RPS6KA2: variants seen among roughly 807,000 people sequenced by gnomAD.
The protein encoded by RPS6KA2 is ribosomal protein S6 kinase alpha-2.
RPS6KA2 carries 42 observed loss-of-function variants against 91.8 expected under a neutral mutation model. The observed-to-expected ratio is 0.46, with a 90% confidence interval of 0.36 to 0.59. The LOEUF (loss-of-function observed/expected upper bound fraction) is 0.59. Among genes scored for constraint, RPS6KA2 ranks in the 20% least tolerant of loss-of-function variants. The pLI, the probability that RPS6KA2 is intolerant of heterozygous loss-of-function variation, is 0.00. For missense variants in RPS6KA2, 798 were observed against 978.5 expected (o/e 0.82, Z 2.46); for synonymous variants, 414 against 393.6 (o/e 1.05, Z -0.61).
At chr6:166,487,931 A>G (rs1175220191) in intron 10 of RPS6KA2, among the ~76,000 whole-genome samples, 3 of 152,200 alleles carry the variant, frequency 2.0e-5, no homozygotes, top group African/African-American at 7.2e-5. Context: ...GTTCCCTGCA[A>G]TGGAAGCTGA....
chr6:166,587,859 C>G (rs1004087589), intron 1 of RPS6KA2, among the ~76,000 whole-genome samples: 1 of 152,126 alleles, frequency 6.6e-6, no homozygotes, highest in Non-Finnish European at 1.5e-5. Context: ...CGGGACTGTG[C>G]GCTCTCTGCC....
chr6:166,488,211 A>C (rs1268554596), intron 10 of RPS6KA2, among the ~76,000 whole-genome samples: 4 of 150,780 alleles, frequency 2.7e-5, no homozygotes, highest in Admixed American at 2.0e-4. Context: ...AACCGGAAAC[A>C]CCCTGCTCTT....
chr6:166,842,875 T>G (rs186049301), intron 2 of RPS6KA2, among the ~76,000 whole-genome samples: 5 of 152,226 alleles, frequency 3.3e-5, no homozygotes, highest in Non-Finnish European at 7.4e-5. Context: ...CACAGCAACA[T>G]ACCAGGAAAG....
At chr6:166,818,940 T>C (rs796821808) in intron 2 of RPS6KA2, among the ~76,000 whole-genome samples, 29 of 152,164 alleles carry the variant, frequency 1.9e-4, no homozygotes, top group African/African-American at 6.3e-4. Context: ...GCTCCAAGGA[T>C]GCTCCCTGGC....
At chr6:166,746,071 G>A (rs977973855) in intron 2 of RPS6KA2, among the ~76,000 whole-genome samples, 51 of 152,214 alleles carry the variant, frequency 3.4e-4, no homozygotes, top group African/African-American at 7.7e-4. Flanking sequence ...TTTCCTGCCC[G>A]GGTCACCTTC....
chr6:166,461,368 A>G (rs900037930), intron 11 of RPS6KA2, among the ~76,000 whole-genome samples: 2 of 152,038 alleles, frequency 1.3e-5, no homozygotes, highest in Non-Finnish European at 2.9e-5. Flanking sequence ...AGCCCAGGCC[A>G]TCGGGTGCCA....
intron 5 of RPS6KA2, among the ~76,000 whole-genome samples, chr6:166,507,908 A>C (rs1190327648): frequency 8.5e-6 from 1 of 117,714 alleles, no homozygotes; most frequent in African/African-American, 3.4e-5. Context: ...ACTCAAACAC[A>C]TACACACCCC....
chr6:166,546,064 C>T (rs1440969991), intron 1 of RPS6KA2, among the ~76,000 whole-genome samples: 2 of 152,130 alleles, frequency 1.3e-5, no homozygotes, highest in African/African-American at 2.4e-5. Flanking sequence ...GTGTCTGACA[C>T]GGTGTTTTAG....
intron 2 of RPS6KA2, among the ~76,000 whole-genome samples, chr6:166,751,230 G>A (rs144117349): frequency 5.3e-5 from 8 of 152,340 alleles, no homozygotes; most frequent in African/African-American, 7.2e-5. Flanking sequence ...CTTCCAAGCC[G>A]CCTGCTTGTT....
intron 1 of RPS6KA2, among the ~76,000 whole-genome samples, chr6:166,539,712 CCA>C (rs552591150): frequency 1.6e-4 from 24 of 152,308 alleles, no homozygotes; most frequent in South Asian, 1.0e-3. Flanking sequence ...CTTCCTGTCC[CCA>C]GAGTCACATG....
chr6:166,428,672 G>C lies in RPS6KA2; in HGVS notation c.1581+1781C>G, dbSNP rs1256992547. 1.0e-4 allele frequency among the ~76,000 whole-genome samples: 15 copies of C among 150,502 alleles called. 1 individual carries two copies. Among genetic ancestry groups the C allele is most frequent in the Non-Finnish European group, 1.9e-4 (13 of 67,400 alleles). ...CATGAACAGACACTTCTCAAAAGAA[G>C]ACATTTATGCAGCCAAAAAACACAT... On this transcript the variant is annotated intron_variant, in intron 16 of 20. Transcript: ENST00000265678.
chr6:166,689,017 C>T (rs938920139), intron 2 of RPS6KA2, among the ~76,000 whole-genome samples: 3 of 152,188 alleles, frequency 2.0e-5, no homozygotes, highest in Non-Finnish European at 2.9e-5. Flanking sequence ...ATAGCATCCC[C>T]GAAAACAAAG....
Position 166,448,227 on chromosome 6 carries a change from G to C in RPS6KA2, c.1332+497C>G, listed in dbSNP as rs947249110. 6.6e-6 allele frequency among the ~76,000 whole-genome samples: 1 copy of C among 152,138 alleles called. No homozygotes were observed. The highest frequency in any genetic ancestry group is 2.4e-5 in the African/African-American group (1 of 41,430). On this transcript the variant is annotated intron_variant, in intron 14 of 20. Coordinates refer to ENST00000265678, the MANE Select transcript of RPS6KA2 (RefSeq NM_021135.6). This position sits in a 1 kb window ranked among gnomAD's most constrained non-coding sequence, Gnocchi z 4.7. Reference sequence around the variant, plus strand: ...AATACAAGCTTATTTATTTCTTTGAGTATTTTCTTCCTCCCTTTTTTCTTT... The same window carrying C: ...AATACAAGCTTATTTATTTCTTTGACTATTTTCTTCCTCCCTTTTTTCTTT...
chr6:166,832,168 G>A (rs1780203762), intron 2 of RPS6KA2, among the ~76,000 whole-genome samples: 2 of 152,162 alleles, frequency 1.3e-5, no homozygotes, highest in Non-Finnish European at 2.9e-5. Context: ...ATTTGGCCTT[G>A]AAAGTGACCT....
intron 2 of RPS6KA2, among the ~76,000 whole-genome samples, chr6:166,661,366 C>G (rs1788158806): frequency 6.6e-6 from 1 of 152,166 alleles, no homozygotes; most frequent in Non-Finnish European, 1.5e-5. Context: ...TCCCCAAGTT[C>G]TAGGATTATA....
At chr6:166,591,397 C>T (rs965505032) in intron 1 of RPS6KA2, among the ~76,000 whole-genome samples, 1 of 152,136 alleles carries the variant, frequency 6.6e-6, no homozygotes, top group African/African-American at 2.4e-5. Context: ...TGAAAAAAGA[C>T]GTGTTGCATG....
At chr6:166,443,774 C>A (rs1164481385) in intron 14 of RPS6KA2, among the ~76,000 whole-genome samples, 2 of 152,160 alleles carry the variant, frequency 1.3e-5, no homozygotes, top group Non-Finnish European at 2.9e-5. Flanking sequence ...TATAATAAAT[C>A]TGTGTATATT....
chr6:166,743,433 T>G (rs1790875659), intron 2 of RPS6KA2, among the ~76,000 whole-genome samples: 1 of 152,224 alleles, frequency 6.6e-6, no homozygotes, highest in South Asian at 2.1e-4. Flanking sequence ...TCAGCGACTT[T>G]AGCCACATCA....
intron 2 of RPS6KA2, among the ~76,000 whole-genome samples, chr6:166,835,799 T>C (rs971694054): frequency 6.6e-5 from 10 of 152,254 alleles, no homozygotes; most frequent in African/African-American, 2.2e-4. Context: ...AGTGGTGCAA[T>C]GTCCTCATCT....
Sources: allele counts gnomAD v4.1 joint callset (sites outside exome capture counted in the v4.1 genomes callset), GRCh38; gene constraint gnomAD v4.1.1; non-coding constraint Gnocchi (gnomAD v3.1); transcripts MANE v1.5; gene names NCBI Gene and HGNC (gene_info 2026-07-23, HGNC 2026-07-21).